Variants in NXPE2 observed in about 807,000 individuals in gnomAD.
NXPE2 encodes NXPE family member 2.
A neutral mutation model predicts 34.4 loss-of-function variants in NXPE2; 34 were observed. The ratio of observed to expected loss-of-function variants is 0.99; its 90% confidence interval spans 0.75 to 1.31. The LOEUF is 1.31. NXPE2 is among the 40% of genes most tolerant of loss of function. The pLI is 0.00. For synonymous variants in NXPE2, 235 were observed against 231.3 expected (o/e 1.02, Z -0.15); for missense variants, 649 against 672.5 (o/e 0.97, Z 0.39).
the NXPE2 span, among the ~76,000 whole-genome samples, chr11:114,722,878 C>A: frequency 6.6e-6 from 1 of 152,116 alleles, no homozygotes; most frequent in African/African-American, 2.4e-5. Flanking sequence ...AGTGCCACTT[C>A]TTATAAATGA....
intron 2 of NXPE2, among the ~76,000 whole-genome samples, chr11:114,696,572 C>A (rs796595016): frequency 6.6e-6 from 1 of 152,068 alleles, no homozygotes. Context: ...GTAAAAGTGA[C>A]AGTTCATCCA....
At chr11:114,720,947 A>G in the NXPE2 span, among the ~76,000 whole-genome samples, 1 of 152,160 alleles carries the variant, frequency 6.6e-6, no homozygotes, top group Admixed American at 6.5e-5. Context: ...GGTGATGAAC[A>G]GAAGAGACAT....
chr11:114,476,796 G>A, the NXPE2 span, among the ~76,000 whole-genome samples: 1 of 152,168 alleles, frequency 6.6e-6, no homozygotes, highest in Non-Finnish European at 1.5e-5. Flanking sequence ...ATTACAATTT[G>A]AGATGAGATT....
the NXPE2 span, among the ~76,000 whole-genome samples, chr11:114,625,388 G>A: frequency 2.0e-5 from 3 of 152,102 alleles, no homozygotes; most frequent in Non-Finnish European, 4.4e-5. Flanking sequence ...CTGTTACCCA[G>A]TGGATAATAA....
the NXPE2 span, among the ~76,000 whole-genome samples, chr11:114,793,192 A>G: frequency 6.6e-6 from 1 of 152,078 alleles, no homozygotes; most frequent in African/African-American, 2.4e-5. Flanking sequence ...TCTAAGTTCA[A>G]TTTTTCCTCC....
chr11:114,786,644 G>A, the NXPE2 span, among the ~76,000 whole-genome samples: 4 of 152,104 alleles, frequency 2.6e-5, no homozygotes, highest in African/African-American at 7.2e-5. Context: ...GTGGGCATCC[G>A]AAAAATATCT....
chr11:114,639,737 AATAAT>A, the NXPE2 span, among the ~76,000 whole-genome samples: 28 of 105,564 alleles, frequency 2.7e-4, no homozygotes, highest in Non-Finnish European at 3.7e-4. Flanking sequence ...TATAATATAA[AATAAT>A]ATATAATATA....
chr11:114,613,363 C>T, the NXPE2 span, among the ~76,000 whole-genome samples: 28 of 151,692 alleles, frequency 1.8e-4, no homozygotes, highest in Non-Finnish European at 1.6e-4. Context: ...TGGATAACCA[C>T]GGTTACCCTG....
the NXPE2 span, among the ~76,000 whole-genome samples, chr11:114,516,171 G>T: frequency 6.9e-3 from 1,053 of 152,262 alleles, 12 homozygotes; most frequent in Middle Eastern, 0.02. Context: ...TGGGGTGGGG[G>T]TGTGCTGTTG....
At chr11:114,527,404 G>A in the NXPE2 span, among the ~76,000 whole-genome samples, 2 of 152,210 alleles carry the variant, frequency 1.3e-5, no homozygotes, top group South Asian at 4.1e-4. Flanking sequence ...TAAGTAACAG[G>A]GCTTTGTGTT....
chr11:114,654,749 A>G, the NXPE2 span, among the ~76,000 whole-genome samples: 90,184 of 152,020 alleles, frequency 0.59, 28,334 homozygotes, highest in East Asian at 0.88. Context: ...GTTCCGTGTC[A>G]TTGCTATTGT....
At chr11:114,792,161 C>A in the NXPE2 span, among the ~76,000 whole-genome samples, 1 of 152,192 alleles carries the variant, frequency 6.6e-6, no homozygotes, top group Non-Finnish European at 1.5e-5. Context: ...GGGCCCCCTC[C>A]CCATAGGGGT....
At chr11:114,796,066 A>C in the NXPE2 span, among the ~76,000 whole-genome samples, 1 of 152,152 alleles carries the variant, frequency 6.6e-6, no homozygotes, top group African/African-American at 2.4e-5. Flanking sequence ...TAAAAGATAC[A>C]CCATCTTTGA....
At chr11:114,582,475 C>T in the NXPE2 span, 1 of 1,614,156 alleles carries the variant, frequency 6.2e-7, no homozygotes, top group South Asian at 1.1e-5. Context: ...TCAGAGTGGA[C>T]TTGGGAAGTG....
At chr11:114,738,816 C>G in the NXPE2 span, among the ~76,000 whole-genome samples, 2 of 152,094 alleles carry the variant, frequency 1.3e-5, no homozygotes, top group Non-Finnish European at 2.9e-5. Flanking sequence ...TTAGAAGAAG[C>G]CTTCAGGATG....
At chr11:114,646,236 T>C in the NXPE2 span, among the ~76,000 whole-genome samples, 3 of 152,010 alleles carry the variant, frequency 2.0e-5, no homozygotes, top group East Asian at 3.8e-4. Context: ...TTTCAGCAGA[T>C]AGCCTTTTAA....
At chr11:114,623,337 G>T in the NXPE2 span, among the ~76,000 whole-genome samples, 1 of 152,046 alleles carries the variant, frequency 6.6e-6, no homozygotes, top group Non-Finnish European at 1.5e-5. Context: ...TTACCTGGTG[G>T]AAAATAAGTA....
chr11:114,580,768 G>T, the NXPE2 span, among the ~76,000 whole-genome samples: 20 of 152,218 alleles, frequency 1.3e-4, no homozygotes, highest in South Asian at 3.5e-3. Flanking sequence ...TTAAATAAAG[G>T]TGATATAAAA....
chr11:114,636,678 A>G, the NXPE2 span, among the ~76,000 whole-genome samples: 456 of 150,552 alleles, frequency 3.0e-3, 2 homozygotes, highest in Non-Finnish European at 4.8e-3. Flanking sequence ...GTTCTCATTG[A>G]TTTCAAAGAA....
Sources: allele counts gnomAD v4.1 joint callset (sites outside exome capture counted in the v4.1 genomes callset), GRCh38; gene constraint gnomAD v4.1.1; transcripts MANE v1.5; gene names NCBI Gene and HGNC (gene_info 2026-07-23, HGNC 2026-07-21).